TEX15: variants seen among roughly 807,000 people sequenced by gnomAD.
TEX15 encodes testis expressed 15, meiosis and synapsis associated, also known as testis-expressed protein 15.
TEX15 carries 171 observed loss-of-function variants against 237.3 expected under a neutral mutation model. The ratio of observed to expected loss-of-function variants is 0.72; its 90% CI spans 0.64 to 0.82. The LOEUF is 0.82. Among genes scored for constraint, TEX15 ranks in the 40% least tolerant of loss-of-function variants. TEX15 has a pLI of 0.00. For missense variants in TEX15, 3,750 were observed against 3,646.5 expected, an observed-to-expected ratio of 1.03 and a Z score of -0.73; for synonymous variants, 1,338 against 1,269.8, an observed-to-expected ratio of 1.05 and a Z score of -1.14.
At chr8:30,868,485 C>T (rs1459380954) in intron 4 of TEX15, among the ~76,000 whole-genome samples, 1 of 151,874 alleles carries the variant, frequency 6.6e-6, no homozygotes, top group East Asian at 1.9e-4. Flanking sequence ...CACATGCTTC[C>T]GAGATTTATT....
chr8:30,909,394 A>ACCCC lies in TEX15; in HGVS notation c.-86+3481_-86+3484dup, dbSNP rs35046956. On this transcript the variant is annotated intron_variant, in intron 1 of 10. Coordinates refer to ENST00000643185, the MANE Select transcript of TEX15 (RefSeq NM_001350162.2). Reference sequence around the variant, plus strand: ...TCTCAGCTGCTGTAATTAAAGACAGACCCCCCCCCGCCCCCACTCCCCCCT... The same window carrying ACCCC: ...TCTCAGCTGCTGTAATTAAAGACAGACCCCCCCCCCCCCGCCCCCACTCCCCCCT... 6.2e-3 allele frequency among the ~76,000 whole-genome samples: 735 copies of ACCCC among 118,262 alleles called. 21 individuals are homozygous for ACCCC. Among genetic ancestry groups the ACCCC allele is most frequent in the African/African-American group, 0.021 (595 of 27,796 alleles). The allele number at this position is 118,262 out of a possible 152,430, so 77.6% of individuals were successfully genotyped here. A position where few individuals can be genotyped will look rare whatever the true frequency, so the allele number is the denominator to read the frequency against.
chr8:30,888,443 C>T (rs1285214917), intron 2 of TEX15, among the ~76,000 whole-genome samples: 1 of 152,070 alleles, frequency 6.6e-6, no homozygotes, highest in Non-Finnish European at 1.5e-5. Flanking sequence ...TATTGCTATA[C>T]CAGAAGTATC....
rs140576253 is a variant in TEX15, at chr8:30,844,997, C to T, written c.5170G>A (p.Ala1724Thr). ...GATTCTCCCTCACTATCTGTCACTG[C>T]AGCGGCTGATAACTGAGGAATACTG... Reference protein sequence around the residue: ...KYSIPQLSAAAVTDSEGESSK... With the variant: ...KYSIPQLSAATVTDSEGESSK... The change falls in exon 8 of 11, where the codon GCA becomes ACA. Residue 1724 changes from alanine (A) to threonine (T), a missense_variant. By Grantham distance (58) the Ala-to-Thr change is moderately conservative. Coordinates refer to ENST00000643185, the MANE Select transcript of TEX15 (RefSeq NM_001350162.2). 284 of 1,613,624 alleles carry T rather than the reference C, an allele frequency of 1.8e-4. 1 individual carries two copies. The highest frequency in any genetic ancestry group is 1.6e-3 in the Middle Eastern group (10 of 6,062).
chr8:30,907,882 A>C (rs1809141807), intron 1 of TEX15, among the ~76,000 whole-genome samples: 1 of 151,284 alleles, frequency 6.6e-6, no homozygotes, highest in African/African-American at 2.4e-5. Context: ...AGGCTGCAGG[A>C]AACCGTGATC....
At position 30,858,820 on chromosome 8, in the gene TEX15, T is replaced by C. The variant is rs936756713; in HGVS notation, c.698A>G (p.Tyr233Cys). 3 of 1,530,330 alleles carry C rather than the reference T, an allele frequency of 2.0e-6. No individual in the cohort carries two copies. The highest frequency in any genetic ancestry group is 2.8e-5 in the African/African-American group (2 of 72,618). 94.8% of individuals were successfully genotyped at this position (1,530,330 alleles called of 1,614,324 possible). A position where few individuals can be genotyped will look rare whatever the true frequency, so the allele number is the denominator to read the frequency against. The change falls in exon 7 of 11, where the codon TAT (tyrosine) becomes TGT (cysteine). Residue 233 changes from tyrosine (Y) to cysteine (C), a missense_variant. Coordinates refer to ENST00000643185, the MANE Select transcript of TEX15 (RefSeq NM_001350162.2). ...LQAYSSAVYF[Y>C]EYSVLSKPVD... is the part of the protein sequence containing the mutation. ...AGGCTTTGAAAGGACACTGTATTCA[T>C]AGAAGTACACCTGAAAGATGAAAAC...
intron 10 of TEX15, among the ~76,000 whole-genome samples, chr8:30,833,909 T>C (rs1314953267): frequency 1.3e-5 from 2 of 152,326 alleles, no homozygotes; most frequent in East Asian, 1.9e-4. Context: ...TTGAGAGCCA[T>C]AGCTGGACTT....
At position 30,843,506 on chromosome 8, in the gene TEX15, C is replaced by T. The variant is rs552229412; in HGVS notation, c.6661G>A (p.Val2221Ile). The T allele has an allele frequency of 6.2e-7, 1 of 1,613,054 alleles. No individual in the cohort carries two copies. Among genetic ancestry groups the T allele is most frequent in the Non-Finnish European group, 8.5e-7 (1 of 1,179,612 alleles). Residue 2221 changes from valine (V) to isoleucine (I), a missense_variant, in exon 8 of 11, where the codon GTA becomes ATA. Transcript: ENST00000643185. ...TGAACTTTAGGAGAGTCCCCACATA[C>T]ATTGATCAACTTTAAAGTACTTTTT... is the stretch of plus-strand genomic sequence containing the variant. ...LRKSTLKLIN[V>I]CGDSPKVHSY...
rs773295288 is a variant in TEX15 at position 30,846,650 on chromosome 8, C to G, written c.3517G>C (p.Asp1173His). 2 of 1,613,874 alleles carry G rather than the reference C, an allele frequency of 1.2e-6. No homozygotes were observed. Among genetic ancestry groups the G allele is most frequent in the South Asian group, 1.1e-5 (1 of 91,060 alleles). The change falls in exon 8 of 11, where the codon GAC (aspartate) becomes CAC (histidine). Residue 1173 changes from aspartate to histidine, a missense_variant. By Grantham distance (81) the Asp-to-His change is moderately conservative. Coordinates refer to ENST00000643185, the MANE Select transcript of TEX15 (RefSeq NM_001350162.2). ...AAACTATCTTTCAATGCAAGGGAGT[C>G]AGCTGTCGGGCTGAATCCTGGCCTA... ...IFRPGFSPTADSLALKDSFCT... is the reference protein window; with the variant it reads ...IFRPGFSPTAHSLALKDSFCT...
chr8:30,847,565 T>C lies in TEX15; in HGVS notation c.2602A>G (p.Lys868Glu). 1 of 1,612,930 alleles carries C rather than the reference T, an allele frequency of 6.2e-7. No homozygotes were observed. The highest frequency in any genetic ancestry group is 8.5e-7 in the Non-Finnish European group (1 of 1,179,822). Reference sequence around the variant, plus strand: ...TCTACACATGAAGCACTATTCTCTTTAGCCTCATTTTGGTTTTCTCTATCT... The same window carrying C: ...TCTACACATGAAGCACTATTCTCTTCAGCCTCATTTTGGTTTTCTCTATCT... The part of the protein sequence containing the change: ...QTDRENQNEA[K>E]ENSASCVENN... The change falls in exon 8 of 11, where the codon AAA (lysine) becomes GAA (glutamate). Residue 868 changes from lysine (K) to glutamate (E), a missense_variant. Lys to Glu is a moderately conservative substitution (Grantham distance 56, BLOSUM62 1). Coordinates refer to ENST00000643185, the MANE Select transcript of TEX15 (RefSeq NM_001350162.2).
rs1302421582 is a variant in TEX15 at position 30,847,837 on chromosome 8, A to T, written c.2330T>A (p.Met777Lys). The change falls in exon 8 of 11, where the codon ATG (methionine) becomes AAG (lysine). Residue 777 changes from methionine (M) to lysine (K), a missense_variant. Transcript: ENST00000643185. The stretch of plus-strand genomic sequence containing the variant: ...AGATGAAATAACTGTATCAATGAAC[A>T]TTTCTTTGGCCTGGGGTATGTCTTT... ...KPKDIPQAKE[M>K]FIDTVISSYN... is the part of the protein sequence containing the mutation. The T allele has an allele frequency of 1.2e-6, 2 of 1,613,852 alleles. No individual in the cohort carries two copies. The highest frequency in any genetic ancestry group is 4.5e-5 in the East Asian group (2 of 44,862).
intron 3 of TEX15, among the ~76,000 whole-genome samples, chr8:30,886,237 G>A (rs946749541): frequency 2.0e-5 from 3 of 152,190 alleles, no homozygotes; most frequent in African/African-American, 7.2e-5. Context: ...ACAATGGCTG[G>A]CAGGGAAAGG....
chr8:30,836,658 T>G (rs2128766017), intron 10 of TEX15, 145 bp downstream of exon 10: 1 of 743,674 alleles, frequency 1.3e-6, no homozygotes, highest in Middle Eastern at 2.8e-4. Context: ...CTCTGCCCAA[T>G]CCATTGGCAA....
chr8:30,900,729 A>G (rs1350712719), intron 1 of TEX15, among the ~76,000 whole-genome samples: 1 of 152,252 alleles, frequency 6.6e-6, no homozygotes, highest in Non-Finnish European at 1.5e-5. Flanking sequence ...AGTGGCATAC[A>G]AAATCCCTGC....
intron 10 of TEX15, among the ~76,000 whole-genome samples, 186 bp from the exon 11 acceptor site, chr8:30,833,509 C>G (rs1807226333): frequency 6.6e-6 from 1 of 152,124 alleles, no homozygotes; most frequent in Non-Finnish European, 1.5e-5. Flanking sequence ...GAGTGGTTTC[C>G]TCATCTGTAA....
chr8:30,856,110 T>C (rs1485052117), intron 7 of TEX15, among the ~76,000 whole-genome samples: 2 of 152,046 alleles, frequency 1.3e-5, no homozygotes, highest in African/African-American at 4.8e-5. Context: ...CATGCCCAAC[T>C]AAGTTTTGTA....
rs1809138193 is a variant in TEX15 at position 30,907,716 on chromosome 8, TAA to T, written c.-86+5161_-86+5162del. ...ATATAAAATACATATAAATTAGATA[TAA>T]AATTTATATATAAATTAGATATAAA... is the stretch of plus-strand genomic sequence containing the variant. On this transcript the variant is annotated intron_variant, in intron 1 of 10. Coordinates refer to ENST00000643185, the MANE Select transcript of TEX15 (RefSeq NM_001350162.2). 1.2e-4 allele frequency among the ~76,000 whole-genome samples: 16 copies of T among 135,932 alleles called. No individual in the cohort carries two copies. In the South Asian group the frequency reaches 3.6e-3, roughly 30 times the overall value. The allele number at this position is 135,932 out of a possible 152,430, so 89.2% of individuals were successfully genotyped here.
rs556947050 is a variant in TEX15 at position 30,883,000 on chromosome 8, G to A, written c.136+4167C>T. Among the ~76,000 whole-genome samples, 3 of 151,954 alleles carry A rather than the reference G, an allele frequency of 2.0e-5. 1 individual carries two copies. In the South Asian group the frequency reaches 6.2e-4, roughly 32 times the overall value. ...TTGCCAAACTGGTGTCAAACTCCTG[G>A]GCTCAAACAAATCTCCCACCTTGGC... On this transcript the variant is annotated intron_variant, in intron 3 of 10. Transcript: ENST00000643185.
At chr8:30,868,372 A>T (rs1741209824) in intron 4 of TEX15, among the ~76,000 whole-genome samples, 1 of 151,986 alleles carries the variant, frequency 6.6e-6, no homozygotes, top group Admixed American at 6.6e-5. Context: ...GGTACAATAG[A>T]GTGGTTCAGA....
chr8:30,848,313 A>C lies in TEX15; in HGVS notation c.1854T>G (p.Thr618=). 3 of 1,613,500 alleles carry C rather than the reference A, an allele frequency of 1.9e-6. No homozygotes were observed. Among genetic ancestry groups the C allele is most frequent in the Non-Finnish European group, 2.5e-6 (3 of 1,179,924 alleles). Residue 618 remains threonine (T), a synonymous_variant, in exon 8 of 11, where the codon ACT becomes ACG. Coordinates refer to ENST00000643185, the MANE Select transcript of TEX15 (RefSeq NM_001350162.2). ...GGTCAGCGAAGTTTTTCATCTTTCC[A>C]GTATTTTGAAGGTATTCATCAATGC... The part of the protein sequence containing the change: ...KVSIDEYLQN[T]GKMKNFADLE...
Sources: gnomAD v4.1 joint callset for allele counts (sites outside exome capture counted in the v4.1 genomes callset) on GRCh38, gnomAD v4.1.1 for gene constraint, MANE v1.5 for transcripts, NCBI Gene and HGNC (gene_info 2026-07-23, HGNC 2026-07-21) for gene names.